The following DCC variants were observed in gnomAD, a reference collection of about 807,000 sequenced individuals.
DCC encodes the protein netrin receptor DCC.
Under a neutral mutation model 172.5 loss-of-function variants are expected in DCC, and 58 were observed. The observed-to-expected ratio is 0.34, with a 90% CI of 0.27 to 0.42. DCC has a LOEUF of 0.42. Among genes scored for constraint, DCC ranks in the 10% least tolerant of loss-of-function variants. DCC has a pLI of 1.00. For synonymous variants in DCC, 709 were observed against 644.5 expected (o/e 1.10, Z -1.52); for missense variants, 1,740 against 1,791.0 (o/e 0.97, Z 0.51).
intron 3 of DCC, among the ~76,000 whole-genome samples, chr18:52,922,482 C>T (rs1366965831): frequency 1.3e-5 from 2 of 152,142 alleles, no homozygotes; most frequent in East Asian, 1.9e-4. Flanking sequence ...AGCGATTCTC[C>T]TCACCCCGAT....
intron 7 of DCC, among the ~76,000 whole-genome samples, chr18:53,069,888 A>G (rs2042629125): frequency 6.6e-6 from 1 of 152,006 alleles, no homozygotes. Context: ...ATTTTAATTT[A>G]GATCTCATTG....
Position 53,038,897 on chromosome 18 carries a change from A to AT in DCC, c.986-24406dup, listed in dbSNP as rs1555699225. 9.2e-4 allele frequency among the ~76,000 whole-genome samples: 138 copies of AT among 150,146 alleles called. 1 individual carries two copies. Among genetic ancestry groups the AT allele is most frequent in the African/African-American group, 2.9e-3 (116 of 40,190 alleles). On this transcript the variant is annotated intron_variant, in intron 5 of 28. Transcript: ENST00000442544. ...CTATTCCTTGGATTAGTAGAAATGC[A>AT]TTAAAAAAAAAAAACTCAAACATGT... is the stretch of plus-strand genomic sequence containing the variant.
chr18:52,712,556 T>C (rs996057756), intron 1 of DCC, among the ~76,000 whole-genome samples: 4 of 152,194 alleles, frequency 2.6e-5, no homozygotes, highest in African/African-American at 9.7e-5. Flanking sequence ...TAGAATTCTC[T>C]CCATATTCCA....
intron 5 of DCC, among the ~76,000 whole-genome samples, chr18:52,967,137 C>T (rs1443446545): frequency 6.6e-6 from 1 of 152,128 alleles, no homozygotes; most frequent in Non-Finnish European, 1.5e-5. Flanking sequence ...GTCTTAAGCC[C>T]TGGTAAGTAG....
intron 1 of DCC, among the ~76,000 whole-genome samples, chr18:52,671,295 CTGAG>C (rs778886025): frequency 3.3e-5 from 5 of 152,198 alleles, no homozygotes; most frequent in Non-Finnish European, 4.4e-5. Flanking sequence ...TGTCACATGA[CTGAG>C]TGTGTGACTG....
chr18:52,569,037 T>C (rs1648332094), intron 1 of DCC, among the ~76,000 whole-genome samples: 1 of 152,184 alleles, frequency 6.6e-6, no homozygotes, highest in African/African-American at 2.4e-5. Flanking sequence ...GCTTTTATAA[T>C]GGAGTTGTTA....
intron 13 of DCC, among the ~76,000 whole-genome samples, chr18:53,319,244 T>C (rs1444417021): frequency 1.3e-5 from 2 of 152,096 alleles, no homozygotes; most frequent in African/African-American, 4.8e-5. Flanking sequence ...GATGACAGGA[T>C]CAAATTCACA....
chr18:53,257,671 C>CT (rs201715084), intron 12 of DCC, among the ~76,000 whole-genome samples: 6,562 of 151,964 alleles, frequency 0.043, 422 homozygotes, highest in African/African-American at 0.15. Flanking sequence ...CTAGAATTCT[C>CT]TTTTTTTTGT....
At chr18:52,646,723 G>A (rs2144914480) in intron 1 of DCC, among the ~76,000 whole-genome samples, 1 of 152,306 alleles carries the variant, frequency 6.6e-6, no homozygotes, top group East Asian at 1.9e-4. Context: ...CCCAAGCACA[G>A]GAACTTCTGT....
intron 27 of DCC, among the ~76,000 whole-genome samples, chr18:53,505,603 C>T (rs963737773): frequency 6.6e-6 from 1 of 152,130 alleles, no homozygotes; most frequent in African/African-American, 2.4e-5. Context: ...CTGAAGTTAA[C>T]TATATCAACC....
At chr18:53,030,991 G>A (rs946215593) in intron 5 of DCC, among the ~76,000 whole-genome samples, 1 of 152,186 alleles carries the variant, frequency 6.6e-6, no homozygotes, top group Non-Finnish European at 1.5e-5. Context: ...GGGTGGGGTG[G>A]CTCACGCCTA....
intron 1 of DCC, among the ~76,000 whole-genome samples, chr18:52,344,868 A>T (rs993463473): frequency 6.6e-6 from 1 of 152,194 alleles, no homozygotes; most frequent in African/African-American, 2.4e-5. Context: ...TTAAAATTCA[A>T]TGTCCACATC....
intron 22 of DCC, among the ~76,000 whole-genome samples, chr18:53,441,275 C>CT (rs1285213856): frequency 6.6e-6 from 1 of 152,070 alleles, no homozygotes; most frequent in African/African-American, 2.4e-5. Flanking sequence ...CCTCACTGCC[C>CT]TTTTGCCAGG....
At chr18:52,389,344 G>A (rs1598776485) in intron 1 of DCC, among the ~76,000 whole-genome samples, 1 of 152,060 alleles carries the variant, frequency 6.6e-6, no homozygotes, top group Non-Finnish European at 1.5e-5. Flanking sequence ...ATATCGCATG[G>A]AACATATTTC....
intron 9 of DCC, among the ~76,000 whole-genome samples, chr18:53,182,052 G>A (rs2055206143): frequency 1.3e-5 from 2 of 152,186 alleles, no homozygotes; most frequent in Admixed American, 1.3e-4. Context: ...TTTGTGCAGA[G>A]CACCTCACTG....
intron 11 of DCC, among the ~76,000 whole-genome samples, chr18:53,214,888 GTAGT>G (rs1477123860): frequency 1.3e-5 from 2 of 152,084 alleles, no homozygotes; most frequent in Admixed American, 6.5e-5. Context: ...CTATAAAGGA[GTAGT>G]TAAATAAAAA....
At chr18:52,901,610 C>T (rs181377740) in intron 2 of DCC, among the ~76,000 whole-genome samples, 17 of 152,028 alleles carry the variant, frequency 1.1e-4, no homozygotes, top group Admixed American at 4.6e-4. Flanking sequence ...TAAAACAATC[C>T]GTTCCCAAAG....
At chr18:52,551,846 G>A (rs1237556034) in intron 1 of DCC, among the ~76,000 whole-genome samples, 3 of 151,962 alleles carry the variant, frequency 2.0e-5, no homozygotes, top group Non-Finnish European at 4.4e-5. Flanking sequence ...GGCCTATCAT[G>A]GATTTCAACT....
Position 52,883,348 on chromosome 18 carries a change from T to TTGTGTG in DCC, c.413-22695_413-22694insGTGTGT, listed in dbSNP as rs758976846. On this transcript the variant is annotated intron_variant, in intron 2 of 28. Coordinates refer to ENST00000442544, the MANE Select transcript of DCC (RefSeq NM_005215.4). ...ATTTTTTATTTATTTATTTATTTAT[T>TTGTGTG]TATGTGTGTGTGTGTGTGTGTGTGT... 3.9e-3 allele frequency among the ~76,000 whole-genome samples: 416 copies of TTGTGTG among 106,276 alleles called. 3 individuals are homozygous for TTGTGTG. Among genetic ancestry groups the TTGTGTG allele is most frequent in the Non-Finnish European group, 7.0e-3 (336 of 48,212 alleles). The allele number at this position is 106,276 out of a possible 152,430, so 69.7% of individuals were successfully genotyped here.
Sources: gnomAD v4.1 joint callset for allele counts (sites outside exome capture counted in the v4.1 genomes callset) on GRCh38, gnomAD v4.1.1 for gene constraint, MANE v1.5 for transcripts, NCBI Gene and HGNC (gene_info 2026-07-23, HGNC 2026-07-21) for gene names.